NAV2: variants seen among roughly 807,000 people sequenced by gnomAD.
NAV2 encodes neuron navigator 2.
In NAV2, 54 loss-of-function variants were observed where a neutral mutation model predicts 223.2. That is an observed-to-expected ratio of 0.24 (90% CI 0.19 to 0.30). The LOEUF is 0.30. Ranked by LOEUF, NAV2 falls within the 10% of genes least tolerant of loss-of-function variation. The pLI, the probability that NAV2 is intolerant of heterozygous loss-of-function variation, is 1.00. For synonymous variants in NAV2, 1,279 were observed against 1,239.3 expected (o/e 1.03, Z -0.67); for missense variants, 2,806 against 3,147.5 (o/e 0.89, Z 2.60).
intron 1 of NAV2, among the ~76,000 whole-genome samples, chr11:19,598,093 C>T (rs749102147): frequency 6.6e-6 from 1 of 152,248 alleles, no homozygotes; most frequent in African/African-American, 2.4e-5. Context: ...AGGCAGATGC[C>T]GCCGCCCCCT....
chr11:19,602,313 G>A (rs1470757040), intron 1 of NAV2, among the ~76,000 whole-genome samples: 4 of 151,788 alleles, frequency 2.6e-5, no homozygotes, highest in African/African-American at 9.7e-5. Flanking sequence ...GAGTAGCTGA[G>A]ACTGCAGGTG....
At chr11:19,485,867 C>T (rs2134033194) in intron 1 of NAV2, among the ~76,000 whole-genome samples, 1 of 152,108 alleles carries the variant, frequency 6.6e-6, no homozygotes, top group Non-Finnish European at 1.5e-5. Flanking sequence ...GACTTGTTTC[C>T]CAATTGTGCC....
At chr11:19,554,473 T>C (rs773140319) in intron 1 of NAV2, among the ~76,000 whole-genome samples, 1 of 152,182 alleles carries the variant, frequency 6.6e-6, no homozygotes, top group Non-Finnish European at 1.5e-5. Flanking sequence ...GGGTAGGCTT[T>C]TGTTAGAAAA....
chr11:19,707,118 G>A (rs1205133636), intron 1 of NAV2, among the ~76,000 whole-genome samples: 1 of 152,198 alleles, frequency 6.6e-6, no homozygotes, highest in Non-Finnish European at 1.5e-5. Flanking sequence ...GTGAGTCAGT[G>A]AGTGAGTGGT....
upstream of NAV2, chr11:19,712,019 T>C (rs1374291059): frequency 6.6e-6 from 1 of 152,246 alleles, no homozygotes; most frequent in Non-Finnish European, 1.5e-5. Context: ...TTCCTTCTTA[T>C]TCTCATCCAC....
At chr11:19,829,025 G>A (rs991489158) in intron 1 of NAV2, among the ~76,000 whole-genome samples, 1 of 152,204 alleles carries the variant, frequency 6.6e-6, no homozygotes, top group Non-Finnish European at 1.5e-5. Flanking sequence ...GCTTCTTGCT[G>A]TGTTGTGCAA....
At chr11:20,008,269 A>G (rs2153503458) in intron 11 of NAV2, among the ~76,000 whole-genome samples, 1 of 152,266 alleles carries the variant, frequency 6.6e-6, no homozygotes, top group East Asian at 1.9e-4. Context: ...AGGGAGGCTG[A>G]GGCAGGAGAA....
chr11:20,117,845 A>G (rs912688477), intron 37 of NAV2, among the ~76,000 whole-genome samples: 2 of 152,208 alleles, frequency 1.3e-5, no homozygotes, highest in African/African-American at 2.4e-5. Flanking sequence ...TATTAACTCA[A>G]TCCACCCATA....
chr11:20,076,550 GCATGACTGTTTGAAACAGCTC>G (rs1258826165), intron 22 of NAV2, among the ~76,000 whole-genome samples: 1 of 152,140 alleles, frequency 6.6e-6, no homozygotes, highest in African/African-American at 2.4e-5. Context: ...AAATTCCTTA[GCATGACTGTTTGAAACAGCTC>G]CATTCTTTAT....
intron 1 of NAV2, among the ~76,000 whole-genome samples, chr11:19,787,542 T>A (rs989394667): frequency 6.6e-6 from 1 of 152,136 alleles, no homozygotes. Flanking sequence ...TTGATACAAA[T>A]CATTGTGACC....
At chr11:19,972,005 A>G (rs1369607634) in intron 10 of NAV2, among the ~76,000 whole-genome samples, 1 of 152,122 alleles carries the variant, frequency 6.6e-6, no homozygotes, top group Non-Finnish European at 1.5e-5. Flanking sequence ...GCCTGGCCCA[A>G]ACTTTTTTCT....
chr11:19,476,250 G>A (rs1451001266), intron 1 of NAV2, among the ~76,000 whole-genome samples: 2 of 152,188 alleles, frequency 1.3e-5, no homozygotes, highest in Admixed American at 1.3e-4. Flanking sequence ...TGGGATTACA[G>A]GCGTGAGCCA....
intron 1 of NAV2, among the ~76,000 whole-genome samples, chr11:19,749,337 G>A (rs569417861): frequency 2.0e-5 from 3 of 152,296 alleles, no homozygotes; most frequent in Admixed American, 1.3e-4. Flanking sequence ...CTTCAAGGCT[G>A]TCATTCACAA....
intron 10 of NAV2, among the ~76,000 whole-genome samples, chr11:19,969,863 G>A (rs1319797058): frequency 4.0e-5 from 6 of 151,440 alleles, no homozygotes; most frequent in African/African-American, 1.5e-4. Context: ...GGAGAATGGC[G>A]TGAACCCGGG....
At chr11:19,761,793 A>G (rs1372946930) in intron 1 of NAV2, among the ~76,000 whole-genome samples, 1 of 152,114 alleles carries the variant, frequency 6.6e-6, no homozygotes, top group Non-Finnish European at 1.5e-5. Flanking sequence ...CATTTAACCT[A>G]CCATTGAGTT....
intron 10 of NAV2, among the ~76,000 whole-genome samples, chr11:19,971,293 A>C (rs1162151993): frequency 6.6e-6 from 1 of 151,768 alleles, no homozygotes; most frequent in Non-Finnish European, 1.5e-5. Flanking sequence ...GGTTAGAGTG[A>C]TTGTTCTTTT....
At position 19,622,817 on chromosome 11, in the gene NAV2, C is replaced by A. The variant is rs555205159; in HGVS notation, c.76-209667C>A. Among the ~76,000 whole-genome samples the A allele has an allele frequency of 1.8e-3, 273 of 152,274 alleles. 1 individual carries two copies. The highest frequency in any genetic ancestry group is 6.3e-3 in the African/African-American group (261 of 41,554). On this transcript the variant is annotated intron_variant, in intron 1 of 37. Transcript: ENST00000360655. Reference sequence around the variant, plus strand: ...TTTGATCCTGTCATTATGATGTTAGCTGAGTATTTTGCTCGTTAGTTGATG... The same window carrying A: ...TTTGATCCTGTCATTATGATGTTAGATGAGTATTTTGCTCGTTAGTTGATG...
intron 1 of NAV2, among the ~76,000 whole-genome samples, chr11:19,628,442 G>A (rs2047238103): frequency 6.6e-6 from 1 of 152,172 alleles, no homozygotes; most frequent in African/African-American, 2.4e-5. Flanking sequence ...CACTCGTACA[G>A]AGTATATGTT....
chr11:20,103,442 G>C, intron 33 of NAV2, 33 bp downstream of exon 33: 1 of 1,601,854 alleles, frequency 6.2e-7, no homozygotes, highest in South Asian at 1.1e-5. Context: ...ATAGCCCCCC[G>C]GGAGAGAGTG....
Sources: allele counts gnomAD v4.1 joint callset (sites outside exome capture counted in the v4.1 genomes callset), GRCh38; gene constraint gnomAD v4.1.1; transcripts MANE v1.5; gene names NCBI Gene and HGNC (gene_info 2026-07-23, HGNC 2026-07-21).